COL26A1: variants seen among roughly 807,000 people sequenced by gnomAD.
The protein encoded by COL26A1 is collagen type XXVI alpha 1 chain, also known as collagen alpha-1(XXVI) chain.
A neutral mutation model predicts 59.3 loss-of-function variants in COL26A1; 41 were observed. That is an observed-to-expected ratio of 0.69 (90% CI 0.54 to 0.90). The LOEUF (loss-of-function observed/expected upper bound fraction) is 0.90, where lower values mean the gene tolerates loss of function less well. COL26A1 is among the 40% of genes least tolerant of loss of function. The pLI, the probability that COL26A1 is intolerant of heterozygous loss-of-function variation, is 0.00. For synonymous variants in COL26A1, 266 were observed against 256.0 expected, an observed-to-expected ratio of 1.04 and a Z score of -0.37; for missense variants, 612 against 602.3, an observed-to-expected ratio of 1.02 and a Z score of -0.17.
intron 2 of COL26A1, among the ~76,000 whole-genome samples, chr7:101,433,275 G>A (rs1451960852): frequency 6.6e-6 from 1 of 152,110 alleles, no homozygotes; most frequent in Non-Finnish European, 1.5e-5. Context: ...AGTGAACCAA[G>A]ATCATACCAC....
intron 3 of COL26A1, among the ~76,000 whole-genome samples, chr7:101,463,324 C>T (rs542925748): frequency 6.6e-6 from 1 of 152,208 alleles, no homozygotes; most frequent in African/African-American, 2.4e-5. Flanking sequence ...AAGATTCATC[C>T]ATGTAGCAAG....
chr7:101,379,421 C>T (rs1355313239), intron 1 of COL26A1, among the ~76,000 whole-genome samples: 1 of 152,188 alleles, frequency 6.6e-6, no homozygotes, highest in East Asian at 1.9e-4. Flanking sequence ...GAAGACCTGG[C>T]TGTGCTCCTG....
chr7:101,448,046 A>C (rs1238658316), intron 3 of COL26A1, among the ~76,000 whole-genome samples: 1 of 152,176 alleles, frequency 6.6e-6, no homozygotes, highest in Admixed American at 6.5e-5. Context: ...CAAAAACAGC[A>C]CTGGTGCCAG....
chr7:101,505,246 TGTG>T (rs1164929972), intron 3 of COL26A1, among the ~76,000 whole-genome samples: 5 of 151,832 alleles, frequency 3.3e-5, no homozygotes, highest in African/African-American at 7.3e-5. Flanking sequence ...GTATGTGTGT[TGTG>T]TGTGTGCATG....
rs1267746274 is a variant in COL26A1, at chr7:101,447,686, A to G, written c.284A>G (p.Tyr95Cys). The G allele has an allele frequency of 1.3e-6, 2 of 1,588,394 alleles. No homozygotes were observed. Among genetic ancestry groups the G allele is most frequent in the African/African-American group, 2.7e-5 (2 of 74,408 alleles). Residue 95 changes from tyrosine (Y) to cysteine (C), a missense_variant and splice_region_variant, in exon 3 of 13, where the codon TAC becomes TGC. Physicochemically the swap from Tyr to Cys is radical, Grantham distance 194 (BLOSUM62 -2). Transcript: ENST00000313669. ...CCCTGACGCTGTCTGTGTGTTAGTT[A>G]CAGGACTCTGATCAGACCCACCTAC... ...WPGPCANLVS[Y>C]RTLIRPTYRV...
chr7:101,388,986 C>T (rs1791660242), intron 1 of COL26A1: 3 of 297,072 alleles, frequency 1.0e-5, no homozygotes, highest in Non-Finnish European at 1.9e-5. Flanking sequence ...AGGATTTTGG[C>T]CGCCATGGGG....
chr7:101,447,168 C>T (rs971740259), intron 2 of COL26A1, among the ~76,000 whole-genome samples: 2 of 152,100 alleles, frequency 1.3e-5, no homozygotes, highest in Non-Finnish European at 2.9e-5. Flanking sequence ...ATATCTCAAG[C>T]ACTGATCTTA....
At chr7:101,512,980 C>T (rs1219954126) in intron 3 of COL26A1, among the ~76,000 whole-genome samples, 6 of 148,472 alleles carry the variant, frequency 4.0e-5, no homozygotes, top group Non-Finnish European at 7.4e-5. Flanking sequence ...ACATTAAAAG[C>T]CTCCCTTTTT....
At chr7:101,421,245 C>G (rs1309546116) in intron 2 of COL26A1, among the ~76,000 whole-genome samples, 1 of 152,134 alleles carries the variant, frequency 6.6e-6, no homozygotes, top group African/African-American at 2.4e-5. Flanking sequence ...GATGTTGCAG[C>G]TTGAGATGGG....
chr7:101,424,001 C>T (rs928859685), intron 2 of COL26A1, among the ~76,000 whole-genome samples: 20 of 150,438 alleles, frequency 1.3e-4, no homozygotes, highest in African/African-American at 4.4e-4. Context: ...GCCAGGAGCT[C>T]GAGACCAGCC....
intron 1 of COL26A1, chr7:101,389,019 G>C: frequency 3.4e-6 from 1 of 297,800 alleles, no homozygotes; most frequent in South Asian, 3.7e-5. Context: ...GGGCTTTTTA[G>C]CCTTGAGGTG....
rs547835558 is a variant in COL26A1, at chr7:101,387,150, G to A, written c.158+23960G>A. 5.3e-5 allele frequency among the ~76,000 whole-genome samples: 8 copies of A among 152,228 alleles called. No homozygotes were observed. The South Asian group carries it at 1.7e-3, about 32-fold the overall frequency. On this transcript the variant is annotated intron_variant, in intron 1 of 12. Coordinates refer to ENST00000313669, the MANE Select transcript of COL26A1 (RefSeq NM_001278563.3). ...CTGGCTGAGCCAAAGCCACCCCCAC[G>A]GGATGCAAGCTGACACTCCCAAGAG... is the stretch of plus-strand genomic sequence containing the variant.
intron 2 of COL26A1, among the ~76,000 whole-genome samples, chr7:101,424,661 C>T (rs1199743030): frequency 6.6e-6 from 1 of 152,156 alleles, no homozygotes; most frequent in East Asian, 1.9e-4. Flanking sequence ...TCACTAGTAA[C>T]TCATAAATGA....
intron 12 of COL26A1, among the ~76,000 whole-genome samples, 171 bp from the exon 13 acceptor site, chr7:101,557,199 G>A (rs909120047): frequency 6.6e-6 from 1 of 152,216 alleles, no homozygotes; most frequent in East Asian, 1.9e-4. Context: ...ATGAATGGAT[G>A]GATGCATGGA....
chr7:101,434,047 TC>T (rs1792843938), intron 2 of COL26A1, among the ~76,000 whole-genome samples: 2 of 15,986 alleles, frequency 1.3e-4, no homozygotes, highest in African/African-American at 5.5e-4. Context: ...TTCCCTTCCC[TC>T]CCTCCCTCCC....
chr7:101,418,784 A>G (rs1253905175), intron 1 of COL26A1, among the ~76,000 whole-genome samples: 2 of 152,044 alleles, frequency 1.3e-5, no homozygotes, highest in African/African-American at 4.8e-5. Flanking sequence ...TTTCTAGGCT[A>G]TGGGGATGGG....
At chr7:101,535,017 G>A (rs939723734) in intron 4 of COL26A1, among the ~76,000 whole-genome samples, 4 of 152,314 alleles carry the variant, frequency 2.6e-5, no homozygotes, top group East Asian at 3.9e-4. Context: ...ACAGGTGTGC[G>A]GGAGACATCT....
At chr7:101,466,409 C>A (rs2898581) in intron 3 of COL26A1, among the ~76,000 whole-genome samples, 46,296 of 151,840 alleles carry the variant, frequency 0.3, 7,494 homozygotes, top group Non-Finnish European at 0.35. Flanking sequence ...TGTTAGAAAC[C>A]CACATTGATT....
intron 2 of COL26A1, among the ~76,000 whole-genome samples, chr7:101,445,680 C>T (rs1280307485): frequency 1.5e-5 from 2 of 137,092 alleles, no homozygotes; most frequent in African/African-American, 5.6e-5. Flanking sequence ...TGCAGTGAGC[C>T]GAGATCCCGC....
Sources: gnomAD v4.1 joint callset for allele counts (sites outside exome capture counted in the v4.1 genomes callset) on GRCh38, gnomAD v4.1.1 for gene constraint, MANE v1.5 for transcripts, NCBI Gene and HGNC (gene_info 2026-07-23, HGNC 2026-07-21) for gene names.